ARHGAP6: variants seen among roughly 807,000 people sequenced by gnomAD.
ARHGAP6 encodes the protein Rho GTPase activating protein 6.
ARHGAP6 carries 16 observed loss-of-function variants against 55.7 expected under a neutral mutation model. The observed-to-expected ratio is 0.29, with a 90% CI of 0.19 to 0.44. The LOEUF (loss-of-function observed/expected upper bound fraction) is 0.44, where lower values mean the gene tolerates loss of function less well. ARHGAP6 is among the 20% of genes least tolerant of loss of function. The pLI is 1.00. For synonymous variants in ARHGAP6, 382 were observed against 360.9 expected, an observed-to-expected ratio of 1.06 and a Z score of -0.66; for missense variants, 698 against 808.9, an observed-to-expected ratio of 0.86 and a Z score of 1.66.
intron 1 of ARHGAP6, among the ~76,000 whole-genome samples, chrX:11,521,417 C>G (rs1354997502): frequency 8.9e-6 from 1 of 112,135 alleles, no homozygotes; most frequent in Admixed American, 9.5e-5. Context: ...AATAGTGAAT[C>G]CTTTCCCCAT....
chrX:11,361,395 C>A (rs1352439892), intron 1 of ARHGAP6, among the ~76,000 whole-genome samples: 1 of 110,896 alleles, frequency 9.0e-6, no homozygotes, highest in African/African-American at 3.3e-5. Context: ...GAAAAACAAG[C>A]AATGGGGAAA....
chrX:11,232,706 T>C lies in ARHGAP6; in HGVS notation c.748+21842A>G, dbSNP rs552980566. Among the ~76,000 whole-genome samples the C allele has an allele frequency of 5.0e-4, 56 of 112,482 alleles. No homozygotes were observed. In the South Asian group the frequency reaches 0.02, roughly 40 times the overall value. On this transcript the variant is annotated intron_variant, in intron 2 of 12. Transcript: ENST00000337414. ...TTAATAATCATGACTGGTCTATTTGTCTGCTACACTTTCTTTCCTCTATGT... is the reference window on the plus strand; with the variant it reads ...TTAATAATCATGACTGGTCTATTTGCCTGCTACACTTTCTTTCCTCTATGT...
intron 1 of ARHGAP6, among the ~76,000 whole-genome samples, chrX:11,599,630 G>A (rs1465811393): frequency 8.9e-6 from 1 of 111,864 alleles, no homozygotes; most frequent in Non-Finnish European, 1.9e-5. Context: ...TGGGGGAACA[G>A]GGAAATGGAG....
At chrX:11,514,537 C>G (rs773861558) in intron 1 of ARHGAP6, among the ~76,000 whole-genome samples, 1 of 110,039 alleles carries the variant, frequency 9.1e-6, no homozygotes, top group Non-Finnish European at 1.9e-5. Flanking sequence ...GCTGTGACAA[C>G]CAAAATCTCT....
intron 1 of ARHGAP6, among the ~76,000 whole-genome samples, chrX:11,435,452 A>G (rs1321661144): frequency 8.9e-6 from 1 of 112,177 alleles, no homozygotes; most frequent in Non-Finnish European, 1.9e-5. Context: ...ATGGCTAGTC[A>G]GTGTTTTTGA....
intron 5 of ARHGAP6, among the ~76,000 whole-genome samples, chrX:11,184,506 T>A (rs2046361993): frequency 8.9e-6 from 1 of 112,654 alleles, no homozygotes; most frequent in Admixed American, 9.4e-5. Flanking sequence ...GTAGAAAATG[T>A]CCTTATGTGA....
chrX:11,629,562 T>G (rs965951588), intron 1 of ARHGAP6, among the ~76,000 whole-genome samples: 1 of 110,554 alleles, frequency 9.0e-6, no homozygotes, highest in South Asian at 3.8e-4. Flanking sequence ...CATATATATA[T>G]TCTCAATAGG....
Position 11,526,091 on chromosome X carries a change from G to A in ARHGAP6, c.588+138150C>T, listed in dbSNP as rs148528457. On this transcript the variant is annotated intron_variant, in intron 1 of 12. Coordinates refer to ENST00000337414, the MANE Select transcript of ARHGAP6 (RefSeq NM_013427.3). ...GAGTGAGATAAGAATTTGCATGCAA[G>A]CAGTTTAATTGGGAGAAGATCCCAG... 4.5e-3 allele frequency among the ~76,000 whole-genome samples: 503 copies of A among 112,020 alleles called. 4 individuals carry two copies. Among genetic ancestry groups the A allele is most frequent in the African/African-American group, 0.016 (484 of 30,876 alleles).
intron 1 of ARHGAP6, among the ~76,000 whole-genome samples, chrX:11,638,537 G>C (rs907912475): frequency 6.3e-5 from 7 of 111,149 alleles, no homozygotes; most frequent in African/African-American, 2.3e-4. Context: ...ATCTCTACTT[G>C]TTTTCAGTTG....
intron 1 of ARHGAP6, among the ~76,000 whole-genome samples, chrX:11,451,555 T>C (rs2050144045): frequency 8.9e-6 from 1 of 112,190 alleles, no homozygotes; most frequent in Non-Finnish European, 1.9e-5. Flanking sequence ...AATCTAGCAA[T>C]ACAAGTAACA....
intron 1 of ARHGAP6, among the ~76,000 whole-genome samples, chrX:11,589,676 G>T (rs776695544): frequency 3.1e-4 from 34 of 111,113 alleles, no homozygotes; most frequent in Middle Eastern, 4.6e-3. Context: ...TATCTAATAG[G>T]GAGCCTGATA....
intron 1 of ARHGAP6, among the ~76,000 whole-genome samples, chrX:11,651,431 G>A (rs2052582949): frequency 9.0e-6 from 1 of 111,296 alleles, no homozygotes. Context: ...AAGGATAATG[G>A]TCTCCAGCTC....
intron 1 of ARHGAP6, among the ~76,000 whole-genome samples, chrX:11,394,231 G>C (rs745631500): frequency 7.1e-4 from 80 of 112,023 alleles, no homozygotes; most frequent in African/African-American, 2.3e-3. Flanking sequence ...GCTGCAACAT[G>C]AATGAGCCTC....
intron 1 of ARHGAP6, among the ~76,000 whole-genome samples, chrX:11,361,761 A>T (rs2049014570): frequency 8.9e-6 from 1 of 111,928 alleles, no homozygotes; most frequent in African/African-American, 3.3e-5. Context: ...CTCATCTCAC[A>T]AAGGGCTAAT....
chrX:11,250,058 C>T (rs187734535), intron 2 of ARHGAP6, among the ~76,000 whole-genome samples: 39 of 111,727 alleles, frequency 3.5e-4, no homozygotes, highest in African/African-American at 6.8e-4. Flanking sequence ...GTATTTATCA[C>T]GTAATAAATT....
At chrX:11,174,970 C>T (rs1602781876) in intron 8 of ARHGAP6, among the ~76,000 whole-genome samples, 1 of 110,002 alleles carries the variant, frequency 9.1e-6, no homozygotes, top group Non-Finnish European at 1.9e-5. Flanking sequence ...GGATTACAGG[C>T]GTGAGCCACC....
intron 2 of ARHGAP6, among the ~76,000 whole-genome samples, chrX:11,233,484 C>T (rs1161293299): frequency 2.7e-5 from 3 of 111,066 alleles, no homozygotes; most frequent in Admixed American, 9.7e-5. Context: ...TAGAGATTTT[C>T]GTGATGTACT....
intron 1 of ARHGAP6, among the ~76,000 whole-genome samples, chrX:11,548,618 CT>C (rs1396956578): frequency 1.9e-3 from 156 of 81,580 alleles, no homozygotes; most frequent in African/African-American, 2.0e-3. Flanking sequence ...AAAAGTATTT[CT>C]TTTTTTTTTT....
At chrX:11,484,933 T>G (rs1356352793) in intron 1 of ARHGAP6, among the ~76,000 whole-genome samples, 2 of 111,709 alleles carry the variant, frequency 1.8e-5, no homozygotes, top group African/African-American at 6.5e-5. Flanking sequence ...GAGCAGGGAT[T>G]CAGACCAGGT....
Sources: gnomAD v4.1 joint callset for allele counts (sites outside exome capture counted in the v4.1 genomes callset) on GRCh38, gnomAD v4.1.1 for gene constraint, MANE v1.5 for transcripts, NCBI Gene and HGNC (gene_info 2026-07-23, HGNC 2026-07-21) for gene names.